PHKB: variants seen among roughly 807,000 people sequenced by gnomAD.
PHKB encodes phosphorylase kinase regulatory subunit beta.
A neutral mutation model predicts 152.1 loss-of-function variants in PHKB; 122 were observed. That is an observed-to-expected ratio of 0.80 (90% confidence interval 0.69 to 0.93). PHKB has a LOEUF of 0.93. Ranked by LOEUF, PHKB falls within the 40% of genes least tolerant of loss-of-function variation. The pLI is 0.00. For synonymous variants in PHKB, 436 were observed against 464.9 expected, an observed-to-expected ratio of 0.94 and a Z score of 0.80; for missense variants, 1,304 against 1,328.4, an observed-to-expected ratio of 0.98 and a Z score of 0.29.
Position 47,669,378 on chromosome 16 carries a change from A to G in PHKB, c.2591A>G (p.Asn864Ser). ...CATATTGGCTGGATCATCTCCAATA[A>G]CCCTGAGTTATTCAGTGGCATGCTG... ...VIHIGWIISNNPELFSGMLKI... is the reference protein window; with the variant it reads ...VIHIGWIISNSPELFSGMLKI... The change falls in exon 26 of 31, where the codon AAC (asparagine) becomes AGC (serine). Residue 864 changes from asparagine to serine, a missense_variant. Transcript: ENST00000323584. 6.2e-7 allele frequency: 1 copy of G among 1,614,106 alleles called. No individual in the cohort carries two copies. The highest frequency in any genetic ancestry group is 8.5e-7 in the Non-Finnish European group (1 of 1,179,994).
At chr16:47,621,064 G>T (rs1250250076) in intron 14 of PHKB, among the ~76,000 whole-genome samples, 1 of 152,180 alleles carries the variant, frequency 6.6e-6, no homozygotes, top group Non-Finnish European at 1.5e-5. Flanking sequence ...TTTAGACCTT[G>T]TGTGATTCAC....
chr16:47,572,469 T>C (rs1441422024), intron 7 of PHKB, among the ~76,000 whole-genome samples: 1 of 152,216 alleles, frequency 6.6e-6, no homozygotes, highest in Admixed American at 6.5e-5. Flanking sequence ...GTGAATTGGT[T>C]ACTAGCATCT....
chr16:47,516,651 A>G (rs995179395), intron 6 of PHKB, among the ~76,000 whole-genome samples: 3 of 152,194 alleles, frequency 2.0e-5, no homozygotes, highest in African/African-American at 7.2e-5. Context: ...GACCGTACTG[A>G]GGGTACTACA....
rs188495482 is a variant in PHKB, at chr16:47,539,999, G to C, written c.595-7434G>C. On this transcript the variant is annotated intron_variant, in intron 6 of 30. Transcript: ENST00000323584. ...AAGGTCTGACTGTCTGCAGGGTCGG[G>C]CAAAAAAAGCCATATTTTACTTCTT... Among the ~76,000 whole-genome samples, 357 of 152,150 alleles carry C rather than the reference G, an allele frequency of 2.3e-3. 1 individual carries two copies. Among genetic ancestry groups the C allele is most frequent in the African/African-American group, 8.0e-3 (331 of 41,522 alleles).
intron 25 of PHKB, chr16:47,666,044 C>A (rs771868988): frequency 5.1e-6 from 8 of 1,578,918 alleles, no homozygotes; most frequent in South Asian, 1.1e-5. Flanking sequence ...TAAGTATTTG[C>A]TTTTCAGACA....
chr16:47,502,051 A>G (rs1970332967), intron 3 of PHKB, among the ~76,000 whole-genome samples: 1 of 152,240 alleles, frequency 6.6e-6, no homozygotes, highest in African/African-American at 2.4e-5. Flanking sequence ...TCAAAATAAT[A>G]ATCATTCTTC....
intron 26 of PHKB, among the ~76,000 whole-genome samples, chr16:47,673,928 T>G (rs1303109519): frequency 6.6e-6 from 1 of 152,196 alleles, no homozygotes; most frequent in Non-Finnish European, 1.5e-5. Context: ...GTGGAAGAAC[T>G]GGGATTTACA....
rs1248967430 is a variant in PHKB at position 47,660,729 on chromosome 16, C to T, written c.2106C>T (p.Thr702=). ...KHSKVKRQSS[T]PSAPELGQQP... Reference sequence around the variant, plus strand: ...CAAAAGTCAAACGGCAAAGCAGCACCCCTAGTGCTCCTGAACTGGGACAGC... The same window carrying T: ...CAAAAGTCAAACGGCAAAGCAGCACTCCTAGTGCTCCTGAACTGGGACAGC... Residue 702 remains threonine (T), a synonymous_variant, in exon 22 of 31, where the codon ACC becomes ACT. Transcript: ENST00000323584. 3.4e-5 allele frequency: 55 copies of T among 1,613,324 alleles called. No homozygotes were observed. In the East Asian group the frequency reaches 1.2e-3, roughly 36 times the overall value.
intron 7 of PHKB, among the ~76,000 whole-genome samples, chr16:47,554,949 GCTGTTC>G (rs1971343074): frequency 2.0e-5 from 3 of 152,198 alleles, no homozygotes; most frequent in African/African-American, 7.2e-5. Flanking sequence ...GCAGACCAGA[GCTGTTC>G]CTATTTGGCC....
At chr16:47,527,582 T>C (rs1970790082) in intron 6 of PHKB, among the ~76,000 whole-genome samples, 1 of 152,178 alleles carries the variant, frequency 6.6e-6, no homozygotes, top group South Asian at 2.1e-4. Context: ...ACTTTCCAAA[T>C]GGAATGTGTT....
At chr16:47,497,528 C>T (rs756815456) in intron 2 of PHKB, 40 bp downstream of exon 2, 15 of 1,112,726 alleles carry the variant, frequency 1.3e-5, no homozygotes, top group Non-Finnish European at 1.8e-5. Context: ...TAGGTATCTG[C>T]GATTAGTATT....
intron 26 of PHKB, among the ~76,000 whole-genome samples, chr16:47,670,102 GAT>G (rs1304959168): frequency 6.6e-6 from 1 of 152,188 alleles, no homozygotes; most frequent in Non-Finnish European, 1.5e-5. Flanking sequence ...AATGAAATGA[GAT>G]ATGTTTTAAA....
intron 6 of PHKB, among the ~76,000 whole-genome samples, chr16:47,519,318 C>T (rs1970647546): frequency 6.6e-6 from 1 of 152,192 alleles, no homozygotes; most frequent in Non-Finnish European, 1.5e-5. Context: ...TACCTCAGAA[C>T]TTAGTTTAAA....
intron 13 of PHKB, among the ~76,000 whole-genome samples, chr16:47,608,489 G>A (rs992074148): frequency 2.0e-5 from 3 of 152,234 alleles, no homozygotes; most frequent in Non-Finnish European, 4.4e-5. Flanking sequence ...TTTGGAGGCT[G>A]AGGTTTGAGG....
chr16:47,569,558 C>G (rs1393776798), intron 7 of PHKB, among the ~76,000 whole-genome samples: 3 of 152,104 alleles, frequency 2.0e-5, no homozygotes, highest in Non-Finnish European at 2.9e-5. Context: ...TTGATTGTTA[C>G]CTAGTTGCTT....
chr16:47,639,837 C>T (rs1156684191), intron 14 of PHKB, among the ~76,000 whole-genome samples: 1 of 152,106 alleles, frequency 6.6e-6, no homozygotes, highest in East Asian at 1.9e-4. Context: ...GCAGTAAATA[C>T]TAGATCTCAT....
intron 1 of PHKB, among the ~76,000 whole-genome samples, chr16:47,489,009 C>A (rs1226356426): frequency 6.6e-6 from 1 of 152,034 alleles, no homozygotes; most frequent in African/African-American, 2.4e-5. Flanking sequence ...ATAGGAGTAT[C>A]ATTGAATTTG....
intron 11 of PHKB, 61 bp downstream of exon 11, chr16:47,593,618 T>A: frequency 8.1e-6 from 8 of 991,598 alleles, no homozygotes; most frequent in Non-Finnish European, 6.5e-6. Flanking sequence ...GCTGTAGGAT[T>A]TAAGTGGTTT....
intron 7 of PHKB, among the ~76,000 whole-genome samples, chr16:47,557,066 A>G (rs1971385694): frequency 6.6e-6 from 1 of 152,236 alleles, no homozygotes; most frequent in Non-Finnish European, 1.5e-5. Context: ...CAGAGCCCTC[A>G]GAAATAATGC....
Sources: allele counts gnomAD v4.1 joint callset (sites outside exome capture counted in the v4.1 genomes callset), GRCh38; gene constraint gnomAD v4.1.1; transcripts MANE v1.5; gene names NCBI Gene and HGNC (gene_info 2026-07-23, HGNC 2026-07-21).